The following ARPC5 variants were observed in gnomAD, a reference collection of about 807,000 sequenced individuals.
ARPC5 encodes actin-related protein 2/3 complex subunit 5.
In ARPC5, 5 loss-of-function variants were observed where a neutral mutation model predicts 15.4. The observed-to-expected ratio is 0.32, with a 90% CI of 0.17 to 0.68. ARPC5 has a LOEUF of 0.68. Ranked by LOEUF, ARPC5 falls within the 30% of genes least tolerant of loss-of-function variation. The pLI is 0.71. For synonymous variants in ARPC5, 85 were observed against 72.2 expected (o/e 1.18, Z -0.90); for missense variants, 138 against 192.8 (o/e 0.72, Z 1.68).
chr1:183,631,977 T>A (rs138322715), intron 2 of ARPC5: 1 of 152,344 alleles, frequency 6.6e-6, no homozygotes, highest in African/African-American at 2.4e-5. Flanking sequence ...TATCTTTGGT[T>A]TAAAGACTGC....
At chr1:183,634,227 G>A (rs1357693993) in intron 1 of ARPC5, among the ~76,000 whole-genome samples, 1 of 152,244 alleles carries the variant, frequency 6.6e-6, no homozygotes, top group Non-Finnish European at 1.5e-5. Context: ...GGGATTTCTA[G>A]AGAAGCATGC....
In ARPC5 at chr1:183,623,655, T is replaced by C. The variant is rs778268593; in HGVS notation, c.*3877A>G. On this transcript the variant is annotated 3_prime_UTR_variant, in exon 4 of 4. Coordinates refer to ENST00000359856, the MANE Select transcript of ARPC5 (RefSeq NM_005717.4). The stretch of plus-strand genomic sequence containing the variant: ...TTAATTGGGTGTGTTTTTCAATTAT[T>C]TTGGTGCTTTTAACATATTTTGTCT... 43 of 709,418 alleles carry C rather than the reference T, an allele frequency of 6.1e-5. No homozygotes were observed. The highest frequency in any genetic ancestry group is 9.0e-5 in the Non-Finnish European group (39 of 433,636). The allele number at this position is 709,418 out of a possible 1,614,324, so 43.9% of individuals were successfully genotyped here. A position where few individuals can be genotyped will look rare whatever the true frequency, so the allele number is the denominator to read the frequency against.
chr1:183,623,334 A>C lies in ARPC5; in HGVS notation c.*4198T>G. On this transcript the variant is annotated 3_prime_UTR_variant, in exon 4 of 4. Coordinates refer to ENST00000359856, the MANE Select transcript of ARPC5 (RefSeq NM_005717.4). ...AATGATAAAGGAAAATAGAAATGTT[A>C]AAGTGAATGCTGTGTCCCATGTTGC... 8.2e-7 allele frequency: 1 copy of C among 1,220,864 alleles called. No homozygotes were observed. The highest frequency in any genetic ancestry group is 1.2e-6 in the Non-Finnish European group (1 of 850,650). The allele number at this position is 1,220,864 out of a possible 1,614,324, so 75.6% of individuals were successfully genotyped here.
rs1348658263 is a variant in ARPC5, at chr1:183,632,383, G to T, written c.216+699C>A. On this transcript the variant is annotated intron_variant, in intron 2 of 3. Transcript: ENST00000359856. The stretch of plus-strand genomic sequence containing the variant: ...TCACTGCTAGCAATTTACTCAAAGA[G>T]AACAATTAAAAATTTACCAAAAAAT... The T allele has an allele frequency of 2.2e-4, 34 of 151,636 alleles. 1 individual carries two copies. The highest frequency in any genetic ancestry group is 2.2e-3 in the Admixed American group (33 of 15,238). 9.4% of individuals were successfully genotyped at this position (151,636 alleles called of 1,614,324 possible).
rs1036406077 is a variant in ARPC5 at position 183,626,252 on chromosome 1, CAAAAT to C, written c.*1275_*1279del. ...GTTTTATCATTTTTACAAAACAAAA[CAAAAT>C]GAAACAAAAAGCAGGTATCAAAAAC... On this transcript the variant is annotated 3_prime_UTR_variant, in exon 4 of 4. Transcript: ENST00000359856. The C allele has an allele frequency of 1.3e-5, 2 of 152,100 alleles. No homozygotes were observed. Among genetic ancestry groups the C allele is most frequent in the Admixed American group, 6.6e-5 (1 of 15,264 alleles). The allele number at this position is 152,100 out of a possible 1,614,324, so 9.4% of individuals were successfully genotyped here.
At chr1:183,634,188 G>C (rs1016813936) in intron 1 of ARPC5, among the ~76,000 whole-genome samples, 1 of 152,114 alleles carries the variant, frequency 6.6e-6, no homozygotes, top group African/African-American at 2.4e-5. Context: ...AAAATCTCTG[G>C]TTGACAAGCT....
At chr1:183,633,315 G>A (rs1649322622) in intron 1 of ARPC5, 161 bp from the exon 2 acceptor site, 6 of 508,236 alleles carry the variant, frequency 1.2e-5, no homozygotes, top group Non-Finnish European at 2.1e-5. Flanking sequence ...TTAATCAAAG[G>A]CAAAATATCA....
Position 183,635,739 on chromosome 1 carries a change from G to A in ARPC5, c.-80C>T, listed in dbSNP as rs1572202400. 5.2e-6 allele frequency: 8 copies of A among 1,538,250 alleles called. No homozygotes were observed. Among genetic ancestry groups the A allele is most frequent in the Non-Finnish European group, 6.1e-6 (7 of 1,139,132 alleles). On this transcript the variant is annotated 5_prime_UTR_variant, in exon 1 of 4. Transcript: ENST00000359856. Reference sequence around the variant, plus strand: ...AGCCCAGCCCAGCAACCCACTACCCGGCGCCTGATTCACTTCCCTCTTCCG... The same window carrying A: ...AGCCCAGCCCAGCAACCCACTACCCAGCGCCTGATTCACTTCCCTCTTCCG...
intron 1 of ARPC5, 35 bp downstream of exon 1, chr1:183,635,482 G>C (rs1416470058): frequency 6.3e-7 from 1 of 1,578,758 alleles, no homozygotes; most frequent in Non-Finnish European, 8.6e-7. Context: ...GGCTGGGCTG[G>C]GCTGGGGTGG....
chr1:183,630,614 C>A lies in ARPC5; in HGVS notation c.240G>T (p.Leu80Phe). ...AVKDRAGSIV[L>F]KVLISFKAND... ...TAGCTTTAAAAGAGATGAGCACCTTCAAGACAATGCTGCCTGCCCGGTCCT... is the reference window on the plus strand; with the variant it reads ...TAGCTTTAAAAGAGATGAGCACCTTAAAGACAATGCTGCCTGCCCGGTCCT... Residue 80 changes from leucine to phenylalanine, a missense_variant, in exon 3 of 4, where the codon TTG becomes TTT. Around this residue, in one of 3 missense-constraint regions of ARPC5, gnomAD observed 121 missense variants for 153.7 expected, o/e 0.79. Coordinates refer to ENST00000359856, the MANE Select transcript of ARPC5 (RefSeq NM_005717.4). The A allele has an allele frequency of 6.2e-7, 1 of 1,613,802 alleles. No homozygotes were observed. Among genetic ancestry groups the A allele is most frequent in the Non-Finnish European group, 8.5e-7 (1 of 1,179,888 alleles).
At chr1:183,629,279 C>T (rs577745474) in intron 3 of ARPC5, among the ~76,000 whole-genome samples, 29 of 152,288 alleles carry the variant, frequency 1.9e-4, no homozygotes, top group Non-Finnish European at 2.9e-4. Context: ...GCTAGAACTA[C>T]GCTGCTTGGG....
intron 1 of ARPC5, chr1:183,633,913 C>G (rs1201673884): frequency 2.0e-5 from 3 of 152,204 alleles, no homozygotes; most frequent in Non-Finnish European, 4.4e-5. Flanking sequence ...CCACAGAGTT[C>G]ACTTGTTCCT....
At chr1:183,630,916 C>G (rs896161088) in intron 2 of ARPC5, 6 of 308,566 alleles carry the variant, frequency 1.9e-5, no homozygotes, top group South Asian at 9.8e-5. Context: ...GAGGACAGAT[C>G]GTGTAAGGCC....
At chr1:183,635,162 C>T (rs2101960822) in intron 1 of ARPC5, among the ~76,000 whole-genome samples, 1 of 152,360 alleles carries the variant, frequency 6.6e-6, no homozygotes, top group African/African-American at 2.4e-5. Context: ...TCGGCACCAG[C>T]CTTCCCCACC....
chr1:183,630,265 A>T (rs545222569), intron 3 of ARPC5, 196 bp downstream of exon 3: 1 of 429,826 alleles, frequency 2.3e-6, no homozygotes, highest in Admixed American at 4.2e-5. Flanking sequence ...ATTGTTGAAT[A>T]AACACAAGTG....
rs1387728132 is a variant in ARPC5 at position 183,625,037 on chromosome 1, G to C, written c.*2495C>G. The C allele has an allele frequency of 1.3e-5, 2 of 152,180 alleles. No individual in the cohort carries two copies. The highest frequency in any genetic ancestry group is 2.1e-4 in the South Asian group (1 of 4,828). 9.4% of individuals were successfully genotyped at this position (152,180 alleles called of 1,614,324 possible). A position where few individuals can be genotyped will look rare whatever the true frequency, so the allele number is the denominator to read the frequency against. On this transcript the variant is annotated 3_prime_UTR_variant, in exon 4 of 4. Coordinates refer to ENST00000359856, the MANE Select transcript of ARPC5 (RefSeq NM_005717.4). ...AATGGTGCTGTTACCCAATGACCAA[G>C]AAGGGGTATGTTTTCCATTTCTTCC... is the stretch of plus-strand genomic sequence containing the variant.
chr1:183,635,407 G>A lies in ARPC5; in HGVS notation c.143+110C>T, dbSNP rs970263545. ...AAAGAGACAGGTTAAGCCGCAGGTT[G>A]AGAGGGCAGCTCCGCGCCGGTGCCC... On this transcript the variant is annotated intron_variant, in intron 1 of 3. Transcript: ENST00000359856. 2.3e-6 allele frequency: 3 copies of A among 1,300,180 alleles called. No homozygotes were observed. In the African/African-American group the frequency reaches 4.5e-5, roughly 20 times the overall value. 80.5% of individuals were successfully genotyped at this position (1,300,180 alleles called of 1,614,324 possible).
intron 1 of ARPC5, among the ~76,000 whole-genome samples, chr1:183,635,017 C>G (rs61811187): frequency 0.27 from 40,421 of 151,076 alleles, 6,409 homozygotes; most frequent in Middle Eastern, 0.38. Flanking sequence ...AATAAACTAC[C>G]TTAACGCTAC....
chr1:183,625,321 A>G lies in ARPC5; in HGVS notation c.*2211T>C, dbSNP rs747896405. Reference sequence around the variant, plus strand: ...TAGTATCCATTTTGACTCGGTCTCTATATTATACTACTTGTTAAATATTTT... The same window carrying G: ...TAGTATCCATTTTGACTCGGTCTCTGTATTATACTACTTGTTAAATATTTT... On this transcript the variant is annotated 3_prime_UTR_variant, in exon 4 of 4. Coordinates refer to ENST00000359856, the MANE Select transcript of ARPC5 (RefSeq NM_005717.4). 3 of 152,064 alleles carry G rather than the reference A, an allele frequency of 2.0e-5. No homozygotes were observed. The highest frequency in any genetic ancestry group is 4.4e-5 in the Non-Finnish European group (3 of 68,046). The allele number at this position is 152,064 out of a possible 1,614,324, so 9.4% of individuals were successfully genotyped here.
Sources: gnomAD v4.1 joint callset for allele counts (sites outside exome capture counted in the v4.1 genomes callset) on GRCh38, gnomAD v4.1.1 for gene constraint, gnomAD v4.1.1 regional missense constraint, MANE v1.5 for transcripts, NCBI Gene and HGNC (gene_info 2026-07-23, HGNC 2026-07-21) for gene names.